CDH18: variants seen among roughly 807,000 people sequenced by gnomAD.
CDH18 encodes cadherin-18.
In CDH18, 31 loss-of-function variants were observed where a neutral mutation model predicts 67.9. The ratio of observed to expected loss-of-function variants is 0.46; its 90% CI spans 0.34 to 0.62. CDH18 has a LOEUF of 0.62. CDH18 is among the 20% of genes least tolerant of loss of function. CDH18 has a pLI of 0.01. For synonymous variants in CDH18, 362 were observed against 347.2 expected, an observed-to-expected ratio of 1.04 and a Z score of -0.48; for missense variants, 890 against 975.5, an observed-to-expected ratio of 0.91 and a Z score of 1.17.
chr5:20,477,104 T>C (rs1423518336), intron 1 of CDH18, among the ~76,000 whole-genome samples: 2 of 152,108 alleles, frequency 1.3e-5, no homozygotes, highest in Non-Finnish European at 2.9e-5. Context: ...AGTTAGCATC[T>C]CCAGGGAAGA....
intron 1 of CDH18, among the ~76,000 whole-genome samples, chr5:20,541,106 G>A (rs1420103963): frequency 6.6e-6 from 1 of 152,064 alleles, no homozygotes; most frequent in Non-Finnish European, 1.5e-5. Flanking sequence ...TGCAAAAGCA[G>A]GAATGAACAT....
chr5:20,466,027 G>T (rs1398322224), intron 1 of CDH18, among the ~76,000 whole-genome samples: 1 of 151,952 alleles, frequency 6.6e-6, no homozygotes, highest in East Asian at 1.9e-4. Context: ...TAATACAGAG[G>T]TAAGAATGCA....
chr5:20,565,027 A>G (rs1053626979), intron 1 of CDH18, among the ~76,000 whole-genome samples: 1 of 152,190 alleles, frequency 6.6e-6, no homozygotes, highest in African/African-American at 2.4e-5. Context: ...GTACATTTTA[A>G]AAATTGACAT....
At chr5:20,481,821 T>C (rs1176389224) in intron 1 of CDH18, among the ~76,000 whole-genome samples, 1 of 151,908 alleles carries the variant, frequency 6.6e-6, no homozygotes, top group Non-Finnish European at 1.5e-5. Context: ...GAGGAAGGTA[T>C]ACAACAATAA....
rs1179077160 is a variant in CDH18, at chr5:19,747,273, A to T, written c.229-37T>A. On this transcript the variant is annotated intron_variant, in intron 3 of 12. Coordinates refer to ENST00000382275, the MANE Select transcript of CDH18 (RefSeq NM_004934.5). ...ACATGGAATAATTTAGCATATATTT[A>T]TATTCCAACCTCACATTATGTTCTC... 2.6e-6 allele frequency: 4 copies of T among 1,526,568 alleles called. No homozygotes were observed. The African/African-American group carries it at 5.5e-5, about 21-fold the overall frequency. 94.6% of individuals were successfully genotyped at this position (1,526,568 alleles called of 1,614,324 possible). A position where few individuals can be genotyped will look rare whatever the true frequency, so the allele number is the denominator to read the frequency against.
intron 1 of CDH18, among the ~76,000 whole-genome samples, chr5:20,471,974 C>A (rs2150241087): frequency 0.25 from 1 of 4 alleles, no homozygotes; most frequent in East Asian, 0.5. Flanking sequence ...TTCTCTGCTC[C>A]AAAATAAATT....
intron 5 of CDH18, among the ~76,000 whole-genome samples, chr5:19,671,658 C>T (rs572140644): frequency 6.6e-6 from 1 of 152,146 alleles, no homozygotes; most frequent in East Asian, 1.9e-4. Flanking sequence ...TTCTAAGTAA[C>T]TCAATATCTA....
At chr5:19,870,403 A>T (rs1202507514) in intron 2 of CDH18, among the ~76,000 whole-genome samples, 5 of 152,160 alleles carry the variant, frequency 3.3e-5, no homozygotes, top group African/African-American at 4.8e-5. Context: ...GCAAAATCAG[A>T]AGGTTACATT....
chr5:20,249,660 G>A lies in CDH18; in HGVS notation c.-518+5784C>T, dbSNP rs1193359164. 1.8e-4 allele frequency among the ~76,000 whole-genome samples: 27 copies of A among 152,062 alleles called. 1 individual carries two copies. The highest frequency in any genetic ancestry group is 1.6e-3 in the Admixed American group (25 of 15,272). The stretch of plus-strand genomic sequence containing the variant: ...GCTGAGATTACAGGCGTTAGCCACC[G>A]CGCCCGGCCTATTCCTTTAAAACTT... On this transcript the variant is annotated intron_variant, in intron 2 of 14. Transcript: ENST00000507958.
intron 7 of CDH18, among the ~76,000 whole-genome samples, chr5:19,578,550 T>A (rs1404237843): frequency 1.3e-5 from 2 of 151,812 alleles, no homozygotes; most frequent in Non-Finnish European, 2.9e-5. Flanking sequence ...GTTTTTTTTT[T>A]AAACTTTCCT....
At chr5:20,458,778 G>A (rs1033715210) in intron 1 of CDH18, among the ~76,000 whole-genome samples, 2 of 152,098 alleles carry the variant, frequency 1.3e-5, no homozygotes, top group Non-Finnish European at 2.9e-5. Context: ...CTTGTTATCA[G>A]CATTGCTAAT....
chr5:20,170,613 A>G (rs1441530719), intron 2 of CDH18, among the ~76,000 whole-genome samples: 1 of 152,134 alleles, frequency 6.6e-6, no homozygotes. Context: ...AAATAAATAT[A>G]GAAAGACTCA....
chr5:20,471,479 T>C lies in CDH18; in HGVS notation c.-580+103983A>G, dbSNP rs551915473. 2.8e-4 allele frequency among the ~76,000 whole-genome samples: 43 copies of C among 152,166 alleles called. No individual in the cohort carries two copies. The South Asian group carries it at 8.9e-3, about 32-fold the overall frequency. On this transcript the variant is annotated intron_variant, in intron 1 of 14. Coordinates refer to the CDH18 transcript ENST00000507958. ...CATTCCACATTGGTTTCCCATTCAC[T>C]GAGTAAAAAGCAGAGTATTTATTTA...
intron 1 of CDH18, among the ~76,000 whole-genome samples, chr5:20,451,832 A>G (rs571179358): frequency 3.9e-5 from 6 of 152,280 alleles, no homozygotes; most frequent in Non-Finnish European, 8.8e-5. Context: ...TTGCAATATA[A>G]GTTTAACAGC....
chr5:20,345,557 A>T (rs926569110), intron 1 of CDH18, among the ~76,000 whole-genome samples: 1 of 152,138 alleles, frequency 6.6e-6, no homozygotes, highest in African/African-American at 2.4e-5. Context: ...TTCTTAGCTA[A>T]GTAATTGTTT....
chr5:19,728,076 A>G (rs981335665), intron 4 of CDH18, among the ~76,000 whole-genome samples: 1 of 152,172 alleles, frequency 6.6e-6, no homozygotes, highest in Non-Finnish European at 1.5e-5. Flanking sequence ...AGACTTCAAA[A>G]TGAAAATATA....
chr5:20,515,782 T>C (rs1755331312), intron 1 of CDH18, among the ~76,000 whole-genome samples: 1 of 152,058 alleles, frequency 6.6e-6, no homozygotes. Context: ...AAATTCTGTC[T>C]TAGAAACCGA....
At chr5:19,611,022 A>C (rs1373629802) in intron 6 of CDH18, among the ~76,000 whole-genome samples, 2 of 152,152 alleles carry the variant, frequency 1.3e-5, no homozygotes, top group African/African-American at 4.8e-5. Flanking sequence ...ATCTTTTAAT[A>C]ATGATGGTTT....
intron 1 of CDH18, among the ~76,000 whole-genome samples, chr5:20,508,981 T>A (rs1754843738): frequency 6.6e-6 from 1 of 152,164 alleles, no homozygotes; most frequent in Non-Finnish European, 1.5e-5. Flanking sequence ...AATTAAAAAT[T>A]GTACATATTT....
Sources: allele counts gnomAD v4.1 joint callset (sites outside exome capture counted in the v4.1 genomes callset), GRCh38; gene constraint gnomAD v4.1.1; transcripts MANE v1.5; gene names NCBI Gene and HGNC (gene_info 2026-07-23, HGNC 2026-07-21).